SHC3: variants seen among roughly 807,000 people sequenced by gnomAD.
The protein encoded by SHC3 is SHC adaptor protein 3.
A neutral mutation model predicts 60.4 loss-of-function variants in SHC3; 15 were observed. That is an observed-to-expected ratio of 0.25 (90% CI 0.17 to 0.38). The LOEUF is 0.38. Ranked by LOEUF, SHC3 falls within the 10% of genes least tolerant of loss-of-function variation. The pLI is 1.00. For synonymous variants in SHC3, 294 were observed against 325.9 expected (o/e 0.90, Z 1.05); for missense variants, 677 against 786.1 (o/e 0.86, Z 1.66).
At chr9:89,154,433 G>A (rs1366491302) in intron 1 of SHC3, among the ~76,000 whole-genome samples, 2 of 152,244 alleles carry the variant, frequency 1.3e-5, no homozygotes, top group South Asian at 2.1e-4. Flanking sequence ...CACAGGCCCT[G>A]TGAGGAGGGG....
intron 1 of SHC3, among the ~76,000 whole-genome samples, chr9:89,173,934 T>G (rs1264828085): frequency 6.6e-6 from 1 of 152,146 alleles, no homozygotes; most frequent in African/African-American, 2.4e-5. Context: ...GAAAGAATTT[T>G]GAGAAAAAAA....
At chr9:89,085,050 T>C (rs1825505381) in intron 2 of SHC3, among the ~76,000 whole-genome samples, 1 of 152,234 alleles carries the variant, frequency 6.6e-6, no homozygotes, top group Non-Finnish European at 1.5e-5. Flanking sequence ...GCTTTAAAGA[T>C]CTCAGTTCCA....
intron 11 of SHC3, among the ~76,000 whole-genome samples, chr9:89,026,434 T>C (rs550673663): frequency 6.6e-6 from 1 of 152,240 alleles, no homozygotes; most frequent in African/African-American, 2.4e-5. Context: ...TTTCAACCAA[T>C]TGCCAATCAG....
At chr9:89,093,541 A>C (rs1024669464) in intron 2 of SHC3, among the ~76,000 whole-genome samples, 1 of 151,994 alleles carries the variant, frequency 6.6e-6, no homozygotes, top group African/African-American at 2.4e-5. Flanking sequence ...ATTGATAAGA[A>C]AGTAGAGTCT....
chr9:89,006,420 C>A lies in SHC3; in HGVS notation c.*7027G>T, dbSNP rs759085570. 1 of 152,218 alleles carries A rather than the reference C, an allele frequency of 6.6e-6. No homozygotes were observed. Among genetic ancestry groups the A allele is most frequent in the Admixed American group, 6.5e-5 (1 of 15,284 alleles). The allele number at this position is 152,218 out of a possible 1,614,324, so 9.4% of individuals were successfully genotyped here. A position where few individuals can be genotyped will look rare whatever the true frequency, so the allele number is the denominator to read the frequency against. The stretch of plus-strand genomic sequence containing the variant: ...AACAAAGATTAGAGAACTTGAAATT[C>A]GTTTTGCATTTCCACTCCTCAGGGA... On this transcript the variant is annotated 3_prime_UTR_variant, in exon 12 of 12. Transcript: ENST00000375835.
chr9:89,172,974 T>C (rs979832162), intron 1 of SHC3, among the ~76,000 whole-genome samples: 3 of 152,154 alleles, frequency 2.0e-5, no homozygotes, highest in Non-Finnish European at 4.4e-5. Context: ...GATACTGCAG[T>C]GTGCTTCCCT....
intron 1 of SHC3, among the ~76,000 whole-genome samples, chr9:89,144,013 C>T (rs1826432589): frequency 6.6e-6 from 1 of 152,160 alleles, no homozygotes; most frequent in South Asian, 2.1e-4. Flanking sequence ...TCTTCAATAT[C>T]AGGGCCTGAT....
At chr9:89,115,229 C>T (rs1017974396) in intron 1 of SHC3, among the ~76,000 whole-genome samples, 4 of 152,136 alleles carry the variant, frequency 2.6e-5, no homozygotes, top group African/African-American at 9.7e-5. Flanking sequence ...GATAACCTCA[C>T]AGATTTATTG....
At chr9:89,136,661 C>T (rs1216665121) in intron 1 of SHC3, among the ~76,000 whole-genome samples, 1 of 152,184 alleles carries the variant, frequency 6.6e-6, no homozygotes, top group African/African-American at 2.4e-5. Context: ...AACCAGCAGC[C>T]GTTGGCGCTG....
chr9:89,061,363 C>T (rs1395386859), intron 6 of SHC3, among the ~76,000 whole-genome samples: 2 of 152,228 alleles, frequency 1.3e-5, no homozygotes, highest in Non-Finnish European at 1.5e-5. Context: ...GGGCCTACAG[C>T]AGTCCAGGGC....
rs544766435 is a variant in SHC3 at position 89,070,112 on chromosome 9, A to T, written c.783+1087T>A. On this transcript the variant is annotated intron_variant, in intron 5 of 11. Coordinates refer to ENST00000375835, the MANE Select transcript of SHC3 (RefSeq NM_016848.6). The stretch of plus-strand genomic sequence containing the variant: ...GCAAAATAGCAATAATAACAAAAAC[A>T]CCACCTCTAGGACATTATTTTATAT... Among the ~76,000 whole-genome samples, 143 of 152,318 alleles carry T rather than the reference A, an allele frequency of 9.4e-4. 1 individual carries two copies. Among genetic ancestry groups the T allele is most frequent in the Middle Eastern group, 3.4e-3 (1 of 294 alleles).
At position 89,007,096 on chromosome 9, in the gene SHC3, C is replaced by G. The variant is rs991566673; in HGVS notation, c.*6351G>C. ...CATTTTTCCAGACCTAGGGAAGGAG[C>G]CTGTGTGTTTTTGGCCTGAAGGATT... On this transcript the variant is annotated 3_prime_UTR_variant, in exon 12 of 12. Transcript: ENST00000375835. The G allele has an allele frequency of 6.6e-6, 1 of 152,192 alleles. No individual in the cohort carries two copies. Among genetic ancestry groups the G allele is most frequent in the Non-Finnish European group, 1.5e-5 (1 of 68,050 alleles). 9.4% of individuals were successfully genotyped at this position (152,192 alleles called of 1,614,324 possible). A position where few individuals can be genotyped will look rare whatever the true frequency, so the allele number is the denominator to read the frequency against.
At chr9:89,080,745 A>G (rs1451557166) in intron 2 of SHC3, among the ~76,000 whole-genome samples, 3 of 147,964 alleles carry the variant, frequency 2.0e-5, no homozygotes, top group Middle Eastern at 3.5e-3. Flanking sequence ...ATATATATAT[A>G]TATATATATA....
At chr9:89,139,533 G>T (rs546073019) in intron 1 of SHC3, among the ~76,000 whole-genome samples, 1 of 152,248 alleles carries the variant, frequency 6.6e-6, no homozygotes, top group Non-Finnish European at 1.5e-5. Context: ...CCATAGGTTT[G>T]TACCCTCAAA....
chr9:89,037,499 A>T (rs2282125), intron 11 of SHC3: 330,841 of 714,908 alleles, frequency 0.46, 84,951 homozygotes, highest in East Asian at 0.98. Context: ...AGTGCCAGGG[A>T]TGGCCAACAT....
chr9:89,041,199 T>A (rs748385050), intron 10 of SHC3, among the ~76,000 whole-genome samples: 2 of 152,236 alleles, frequency 1.3e-5, no homozygotes, highest in Non-Finnish European at 2.9e-5. Flanking sequence ...TCTTTCAAAA[T>A]TTTTTAACAA....
chr9:89,100,367 C>T (rs535230572), intron 2 of SHC3, among the ~76,000 whole-genome samples: 8 of 152,086 alleles, frequency 5.3e-5, no homozygotes, highest in African/African-American at 1.9e-4. Flanking sequence ...GTATAATAAA[C>T]CTTTTTTAGA....
intron 11 of SHC3, among the ~76,000 whole-genome samples, chr9:89,027,742 G>C (rs1001815017): frequency 2.6e-5 from 4 of 152,192 alleles, no homozygotes; most frequent in Non-Finnish European, 5.9e-5. Context: ...AAGGGAAGGA[G>C]GCAGTGATCT....
At position 89,013,435 on chromosome 9, in the gene SHC3, G is replaced by C; in HGVS notation, c.*12C>G. The stretch of plus-strand genomic sequence containing the variant: ...GACCTGGTGCGCAGTGCTGGGAGCA[G>C]TGCTGGCCAGGTCACTGCTTCCTCT... On this transcript the variant is annotated 3_prime_UTR_variant, in exon 12 of 12. Coordinates refer to ENST00000375835, the MANE Select transcript of SHC3 (RefSeq NM_016848.6). The C allele has an allele frequency of 6.2e-7, 1 of 1,608,762 alleles. No individual in the cohort carries two copies.
Sources: allele counts gnomAD v4.1 joint callset (sites outside exome capture counted in the v4.1 genomes callset), GRCh38; gene constraint gnomAD v4.1.1; transcripts MANE v1.5; gene names NCBI Gene and HGNC (gene_info 2026-07-23, HGNC 2026-07-21).